ESRRG: variants seen among roughly 807,000 people sequenced by gnomAD.
The protein encoded by ESRRG is estrogen-related receptor gamma.
ESRRG carries 13 observed loss-of-function variants against 44.0 expected under a neutral mutation model. That is an observed-to-expected ratio of 0.30 (90% CI 0.19 to 0.47). The LOEUF is 0.47. Among genes scored for constraint, ESRRG ranks in the 20% least tolerant of loss-of-function variants. ESRRG has a pLI of 1.00. For synonymous variants in ESRRG, 215 were observed against 214.6 expected (o/e 1.00, Z -0.02); for missense variants, 395 against 580.6 (o/e 0.68, Z 3.29).
At chr1:216,716,051 T>C (rs998613053) in intron 1 of ESRRG, among the ~76,000 whole-genome samples, 1 of 152,072 alleles carries the variant, frequency 6.6e-6, no homozygotes, top group Non-Finnish European at 1.5e-5. Flanking sequence ...AAGATTTTTT[T>C]GTTTTCCAGA....
intron 1 of ESRRG, among the ~76,000 whole-genome samples, chr1:217,124,475 C>A (rs1378112954): frequency 6.6e-6 from 1 of 151,994 alleles, no homozygotes; most frequent in African/African-American, 2.4e-5. Flanking sequence ...TATTATGATC[C>A]CTAAGAAAAA....
chr1:216,752,470 G>A (rs1203107559), intron 2 of ESRRG, among the ~76,000 whole-genome samples: 1 of 152,110 alleles, frequency 6.6e-6, no homozygotes, highest in African/African-American at 2.4e-5. Context: ...AGACAGGAAT[G>A]AATACTTTAC....
At chr1:216,579,687 G>A (rs974398623) in intron 3 of ESRRG, among the ~76,000 whole-genome samples, 1 of 152,106 alleles carries the variant, frequency 6.6e-6, no homozygotes, top group East Asian at 1.9e-4. Flanking sequence ...ATGGGCAATT[G>A]CCAGTCTAGT....
intron 2 of ESRRG, among the ~76,000 whole-genome samples, chr1:216,775,670 G>A (rs1348721844): frequency 1.4e-5 from 2 of 139,964 alleles, no homozygotes; most frequent in Non-Finnish European, 3.0e-5. Context: ...TCTCACTTCA[G>A]CCTCCCAAGT....
At chr1:216,596,282 G>C (rs780224478) in intron 3 of ESRRG, among the ~76,000 whole-genome samples, 3 of 152,122 alleles carry the variant, frequency 2.0e-5, no homozygotes. Flanking sequence ...TGATAAGACT[G>C]CCAACTCCAC....
At chr1:216,996,191 G>A (rs2076354293) in intron 1 of ESRRG, among the ~76,000 whole-genome samples, 1 of 152,160 alleles carries the variant, frequency 6.6e-6, no homozygotes, top group Non-Finnish European at 1.5e-5. Context: ...TTTCTTTCAT[G>A]ACTGTGTCTC....
intron 2 of ESRRG, among the ~76,000 whole-genome samples, chr1:216,877,155 A>T (rs1250820908): frequency 6.6e-6 from 1 of 152,114 alleles, no homozygotes; most frequent in African/African-American, 2.4e-5. Flanking sequence ...ATCATGTTTC[A>T]TTATGATTAT....
intron 2 of ESRRG, among the ~76,000 whole-genome samples, chr1:216,775,107 C>T (rs567301183): frequency 6.6e-6 from 1 of 152,082 alleles, no homozygotes; most frequent in South Asian, 2.1e-4. Flanking sequence ...CCGTGCCCAG[C>T]CTCTTTTCTT....
At chr1:217,130,164 T>A (rs1358358101) in intron 1 of ESRRG, among the ~76,000 whole-genome samples, 1 of 152,188 alleles carries the variant, frequency 6.6e-6, no homozygotes, top group African/African-American at 2.4e-5. Flanking sequence ...GTGCCACTTA[T>A]CATTTGCCCT....
At chr1:216,662,626 T>G (rs1295007715) in intron 2 of ESRRG, among the ~76,000 whole-genome samples, 1 of 150,878 alleles carries the variant, frequency 6.6e-6, no homozygotes, top group South Asian at 2.1e-4. Flanking sequence ...GCAGGGAGAG[T>G]GGGGGGGTTC....
intron 1 of ESRRG, among the ~76,000 whole-genome samples, chr1:217,029,349 A>G (rs2151004167): frequency 6.6e-6 from 1 of 152,288 alleles, no homozygotes; most frequent in South Asian, 2.1e-4. Flanking sequence ...AACCGACCGT[A>G]AGGGAAGAAA....
At chr1:216,726,926 C>T (rs1247705119), upstream of ESRRG, among the ~76,000 whole-genome samples, 1 of 152,176 alleles carries the variant, frequency 6.6e-6, no homozygotes, top group Non-Finnish European at 1.5e-5. Flanking sequence ...ATACACCAGA[C>T]ATTTTATTAC....
chr1:217,003,163 A>T (rs573019461), intron 1 of ESRRG, among the ~76,000 whole-genome samples: 1 of 152,280 alleles, frequency 6.6e-6, no homozygotes, highest in Non-Finnish European at 1.5e-5. Context: ...TTGCAAAAAA[A>T]AATCTTTCAT....
intron 2 of ESRRG, among the ~76,000 whole-genome samples, chr1:216,790,946 A>C (rs898002074): frequency 1.3e-5 from 2 of 152,146 alleles, no homozygotes; most frequent in African/African-American, 4.8e-5. Context: ...GTTGAACAAA[A>C]ATGGAAGTAT....
upstream of ESRRG, among the ~76,000 whole-genome samples, chr1:216,725,546 TAC>T (rs1194419453): frequency 6.6e-6 from 1 of 152,094 alleles, no homozygotes; most frequent in Non-Finnish European, 1.5e-5. Flanking sequence ...TTTTCTAAAA[TAC>T]ACTCAAAGAA....
intron 1 of ESRRG, among the ~76,000 whole-genome samples, chr1:217,099,332 G>A (rs2092471164): frequency 7.0e-6 from 1 of 142,752 alleles, no homozygotes; most frequent in Non-Finnish European, 1.5e-5. Context: ...CTACCTTATA[G>A]AAAAATAAAG....
chr1:216,710,781 C>T (rs1226620826), intron 1 of ESRRG, among the ~76,000 whole-genome samples: 3 of 152,114 alleles, frequency 2.0e-5, no homozygotes, highest in African/African-American at 7.2e-5. Flanking sequence ...ACCGCCCCCA[C>T]CCCGCTGCAC....
At chr1:216,563,180 T>C (rs2059094024) in intron 5 of ESRRG, among the ~76,000 whole-genome samples, 5 of 152,174 alleles carry the variant, frequency 3.3e-5, no homozygotes, top group Admixed American at 3.3e-4. Flanking sequence ...TTTAAATTAG[T>C]TTACAATTTG....
At chr1:217,068,227 T>C (rs2090048020) in intron 1 of ESRRG, among the ~76,000 whole-genome samples, 1 of 152,196 alleles carries the variant, frequency 6.6e-6, no homozygotes, top group South Asian at 2.1e-4. Context: ...TATGTGAGCC[T>C]TCAGGAGCCG....
Sources: gnomAD v4.1 joint callset for allele counts (sites outside exome capture counted in the v4.1 genomes callset) on GRCh38, gnomAD v4.1.1 for gene constraint, MANE v1.5 for transcripts, NCBI Gene and HGNC (gene_info 2026-07-23, HGNC 2026-07-21) for gene names.